The following SCMH1 variants were observed in gnomAD, a reference collection of about 807,000 sequenced individuals.
SCMH1 encodes the protein Scm polycomb group protein homolog 1, also known as polycomb protein SCMH1.
Under a neutral mutation model 70.8 loss-of-function variants are expected in SCMH1, and 37 were observed. That is an observed-to-expected ratio of 0.52 (90% CI 0.40 to 0.69). SCMH1 has a LOEUF of 0.69. Ranked by LOEUF, SCMH1 falls within the 30% of genes least tolerant of loss-of-function variation. SCMH1 has a pLI of 0.00. For missense variants in SCMH1, 607 were observed against 827.3 expected (o/e 0.73, Z 3.27); for synonymous variants, 292 against 307.4 (o/e 0.95, Z 0.52).
At chr1:41,081,068 A>G (rs1385972060) in intron 8 of SCMH1, among the ~76,000 whole-genome samples, 2 of 152,100 alleles carry the variant, frequency 1.3e-5, no homozygotes, top group African/African-American at 4.8e-5. Flanking sequence ...GTCACTAGAT[A>G]CAAATCTAAT....
chr1:41,238,544 G>A (rs1471515254), intron 1 of SCMH1, among the ~76,000 whole-genome samples: 2 of 151,976 alleles, frequency 1.3e-5, no homozygotes, highest in East Asian at 3.9e-4. Context: ...CCACCCTCCT[G>A]ATTAATCCCC....
intron 10 of SCMH1, among the ~76,000 whole-genome samples, chr1:41,050,806 C>CAAAAGGCCAAT (rs1253651284): frequency 2.0e-5 from 3 of 152,060 alleles, no homozygotes; most frequent in African/African-American, 7.2e-5. Context: ...TCATAATTTG[C>CAAAAGGCCAAT]AAAAGGCCTA....
intron 1 of SCMH1, among the ~76,000 whole-genome samples, chr1:41,216,553 C>T (rs1457976697): frequency 1.3e-5 from 2 of 152,196 alleles, no homozygotes; most frequent in African/African-American, 4.8e-5. Flanking sequence ...AAGCCTCCAT[C>T]CCTGCAAAGG....
chr1:41,193,529 G>C (rs1652250062), intron 1 of SCMH1, among the ~76,000 whole-genome samples: 1 of 152,132 alleles, frequency 6.6e-6, no homozygotes, highest in African/African-American at 2.4e-5. Flanking sequence ...GGGGTTGGGG[G>C]GGGGTTGAGG....
intron 12 of SCMH1, among the ~76,000 whole-genome samples, chr1:41,046,093 C>T (rs186837101): frequency 6.4e-4 from 98 of 152,174 alleles, no homozygotes; most frequent in Non-Finnish European, 1.1e-3. Context: ...CACTGGGAGA[C>T]GTTCTGTGAC....
intron 1 of SCMH1, among the ~76,000 whole-genome samples, chr1:41,216,201 C>A (rs1658037792): frequency 6.6e-6 from 1 of 152,204 alleles, no homozygotes; most frequent in Admixed American, 6.5e-5. Context: ...CATGGATAAG[C>A]CTTCTTCAGT....
rs1477588173 is a variant in SCMH1 at position 41,101,673 on chromosome 1, T to C, written c.745+11610A>G. On this transcript the variant is annotated intron_variant, in intron 8 of 14. Coordinates refer to ENST00000337495, the Ensembl canonical transcript of SCMH1. ...CATTTTGGAGAAAATGTCTGCTAAATATCCAAGTCCGCTGTTTTTTTCAAG... is the reference window on the plus strand; with the variant it reads ...CATTTTGGAGAAAATGTCTGCTAAACATCCAAGTCCGCTGTTTTTTTCAAG... Among the ~76,000 whole-genome samples, 9 of 152,338 alleles carry C rather than the reference T, an allele frequency of 5.9e-5. No individual in the cohort carries two copies. In the South Asian group the frequency reaches 1.0e-3, roughly 18 times the overall value.
intron 8 of SCMH1, among the ~76,000 whole-genome samples, chr1:41,097,519 A>T (rs1326845239): frequency 1.5e-4 from 23 of 152,168 alleles, no homozygotes. Context: ...CCCAGGCTGG[A>T]GTGCAGTGGC....
At chr1:41,055,844 C>G (rs1650065980) in intron 10 of SCMH1, among the ~76,000 whole-genome samples, 1 of 152,110 alleles carries the variant, frequency 6.6e-6, no homozygotes, top group African/African-American at 2.4e-5. Context: ...TAAGAGGCCT[C>G]GTGTACTGGG....
chr1:41,174,055 T>C (rs899340770), intron 2 of SCMH1, among the ~76,000 whole-genome samples: 1 of 152,222 alleles, frequency 6.6e-6, no homozygotes, highest in Non-Finnish European at 1.5e-5. Flanking sequence ...GAACTTATTA[T>C]GTATTTTCAA....
At chr1:41,166,175 T>C (rs1646396900) in intron 2 of SCMH1, among the ~76,000 whole-genome samples, 1 of 152,150 alleles carries the variant, frequency 6.6e-6, no homozygotes, top group Admixed American at 6.5e-5. Flanking sequence ...ATTTCTGGGC[T>C]CTCTGTCCTA....
At chr1:41,035,494 T>G (rs1469845288) in intron 13 of SCMH1, among the ~76,000 whole-genome samples, 1 of 152,164 alleles carries the variant, frequency 6.6e-6, no homozygotes, top group Non-Finnish European at 1.5e-5. Flanking sequence ...CCCATCTTCT[T>G]TAAGACTAGT....
At chr1:41,087,871 A>G (rs982390300) in intron 8 of SCMH1, among the ~76,000 whole-genome samples, 1 of 151,946 alleles carries the variant, frequency 6.6e-6, no homozygotes, top group African/African-American at 2.4e-5. Context: ...AGCAATACAT[A>G]TACAGTATTA....
chr1:41,192,163 C>A (rs1429208534), intron 1 of SCMH1, among the ~76,000 whole-genome samples: 1 of 152,112 alleles, frequency 6.6e-6, no homozygotes, highest in Admixed American at 6.6e-5. Flanking sequence ...ATAGTATACT[C>A]TTCTAATTGG....
At chr1:41,032,831 T>C (rs1271737253) in intron 13 of SCMH1, among the ~76,000 whole-genome samples, 1 of 151,546 alleles carries the variant, frequency 6.6e-6, no homozygotes. Flanking sequence ...TACAAAAAAT[T>C]AGCAGGGCGT....
intron 2 of SCMH1, among the ~76,000 whole-genome samples, chr1:41,169,233 A>G (rs887619964): frequency 2.6e-5 from 4 of 152,220 alleles, no homozygotes; most frequent in African/African-American, 9.6e-5. Context: ...AACTCCTTCC[A>G]GGAAGAATGA....
chr1:41,058,679 C>T (rs752833515), intron 10 of SCMH1, among the ~76,000 whole-genome samples: 1 of 152,062 alleles, frequency 6.6e-6, no homozygotes, highest in Non-Finnish European at 1.5e-5. Flanking sequence ...CATGCTCGGC[C>T]TTATTTATAC....
At chr1:41,233,766 A>C (rs1252720827) in intron 1 of SCMH1, among the ~76,000 whole-genome samples, 1 of 152,070 alleles carries the variant, frequency 6.6e-6, no homozygotes, top group Non-Finnish European at 1.5e-5. Context: ...TTCTTTTTGA[A>C]ACTTACCGTT....
intron 8 of SCMH1, among the ~76,000 whole-genome samples, chr1:41,083,398 C>T (rs923693358): frequency 8.7e-4 from 133 of 152,222 alleles, no homozygotes; most frequent in African/African-American, 3.0e-3. Flanking sequence ...GAATAAAATA[C>T]CTAGGAATCC....
Sources: allele counts gnomAD v4.1 joint callset (sites outside exome capture counted in the v4.1 genomes callset), GRCh38; gene constraint gnomAD v4.1.1; transcripts MANE v1.5; gene names NCBI Gene and HGNC (gene_info 2026-07-23, HGNC 2026-07-21).